APLP2: variants seen among roughly 807,000 people sequenced by gnomAD.
APLP2 encodes the protein amyloid beta precursor like protein 2.
Under a neutral mutation model 89.9 loss-of-function variants are expected in APLP2, and 53 were observed. The ratio of observed to expected loss-of-function variants is 0.59; its 90% CI spans 0.47 to 0.74. The LOEUF (loss-of-function observed/expected upper bound fraction) is 0.74, where lower values mean the gene tolerates loss of function less well. APLP2 is among the 30% of genes least tolerant of loss of function. The pLI is 0.00. For synonymous variants in APLP2, 372 were observed against 348.6 expected (o/e 1.07, Z -0.75); for missense variants, 973 against 975.9 (o/e 1.00, Z 0.04).
chr11:130,127,742 C>T (rs373745554), intron 8 of APLP2, 24 bp from the exon 9 acceptor site: 29 of 1,607,244 alleles, frequency 1.8e-5, no homozygotes, highest in South Asian at 1.4e-4. Flanking sequence ...TCACTGCTGA[C>T]GGCGTTTTTG....
intron 1 of APLP2, among the ~76,000 whole-genome samples, chr11:130,094,058 T>C (rs1945850614): frequency 6.7e-6 from 1 of 148,440 alleles, no homozygotes; most frequent in Admixed American, 6.7e-5. Context: ...TTTTTTTTTT[T>C]TTTTTTTTTT....
intron 6 of APLP2, among the ~76,000 whole-genome samples, chr11:130,122,816 C>A (rs1314966914): frequency 6.6e-6 from 1 of 152,186 alleles, no homozygotes; most frequent in Non-Finnish European, 1.5e-5. Context: ...GTTCCCTCCC[C>A]AAGGGGAGCT....
intron 1 of APLP2, among the ~76,000 whole-genome samples, chr11:130,083,032 T>C (rs1182090427): frequency 4.0e-5 from 5 of 124,084 alleles, no homozygotes; most frequent in African/African-American, 1.1e-4. Flanking sequence ...TTTTCTTTTT[T>C]TTTTTTTTTT....
intron 3 of APLP2, among the ~76,000 whole-genome samples, chr11:130,116,685 T>C (rs1949215716): frequency 6.6e-6 from 1 of 151,942 alleles, no homozygotes; most frequent in South Asian, 2.1e-4. Flanking sequence ...TTGGCCAGGC[T>C]GGTCTTGAAC....
At position 130,076,692 on chromosome 11, in the gene APLP2, A is replaced by G. The variant is rs185128173; in HGVS notation, c.105+6610A>G. Among the ~76,000 whole-genome samples, 296 of 152,056 alleles carry G rather than the reference A, an allele frequency of 1.9e-3. 1 individual carries two copies. The highest frequency in any genetic ancestry group is 4.5e-3 in the African/African-American group (186 of 41,484). On this transcript the variant is annotated intron_variant, in intron 1 of 16. Transcript: ENST00000338167. ...TTCCTACCCTGCCTTCCTTGGGCACACTCCCCAGTGGTTGTGGAATTAACT... is the reference window on the plus strand; with the variant it reads ...TTCCTACCCTGCCTTCCTTGGGCACGCTCCCCAGTGGTTGTGGAATTAACT...
At chr11:130,089,132 C>T (rs145243091) in intron 1 of APLP2, among the ~76,000 whole-genome samples, 3 of 152,324 alleles carry the variant, frequency 2.0e-5, no homozygotes, top group African/African-American at 7.2e-5. Context: ...GAAAGCTGGA[C>T]TCATTCCAAT....
intron 4 of APLP2, among the ~76,000 whole-genome samples, chr11:130,121,059 C>T (rs758049783): frequency 3.3e-5 from 5 of 152,086 alleles, no homozygotes; most frequent in African/African-American, 4.8e-5. Flanking sequence ...GGTGGCTGAG[C>T]GAGAATACTG....
chr11:130,071,108 C>T (rs1940988013), intron 1 of APLP2, among the ~76,000 whole-genome samples: 1 of 152,154 alleles, frequency 6.6e-6, no homozygotes, highest in African/African-American at 2.4e-5. Context: ...TCTTCTCCCT[C>T]TTCGCTCTTT....
chr11:130,074,342 A>T (rs916767951), intron 1 of APLP2, among the ~76,000 whole-genome samples: 1 of 152,148 alleles, frequency 6.6e-6, no homozygotes, highest in South Asian at 2.1e-4. Flanking sequence ...CAGCCTCCAG[A>T]GTAGCTGGGA....
At chr11:130,086,485 A>G (rs530136889) in intron 1 of APLP2, among the ~76,000 whole-genome samples, 2 of 152,330 alleles carry the variant, frequency 1.3e-5, no homozygotes, top group South Asian at 2.1e-4. Flanking sequence ...TTCACTCTCA[A>G]TAGTGTCCTT....
intron 8 of APLP2, among the ~76,000 whole-genome samples, chr11:130,127,559 AG>A (rs1363012107): frequency 6.6e-6 from 1 of 152,216 alleles, no homozygotes; most frequent in East Asian, 1.9e-4. Context: ...TGTAACAAAG[AG>A]GTCATGGAAT....
intron 1 of APLP2, among the ~76,000 whole-genome samples, chr11:130,103,235 T>G (rs1301359969): frequency 6.6e-6 from 1 of 152,164 alleles, no homozygotes; most frequent in Non-Finnish European, 1.5e-5. Flanking sequence ...CTAGGTAGGG[T>G]TGGGGTATGT....
At chr11:130,104,139 C>T (rs1264437427) in intron 1 of APLP2, among the ~76,000 whole-genome samples, 4 of 150,550 alleles carry the variant, frequency 2.7e-5, no homozygotes, top group Non-Finnish European at 5.9e-5. Context: ...CCATTTTTCT[C>T]GACACACAAT....
chr11:130,114,346 A>G (rs1948939323), intron 3 of APLP2: 2 of 152,310 alleles, frequency 1.3e-5, no homozygotes, highest in South Asian at 4.1e-4. Flanking sequence ...CAGTTCCTTT[A>G]TAGAATGCCT....
chr11:130,133,616 ACT>A lies in APLP2; in HGVS notation c.1585-10_1585-9del. ...TCAGTCACAACACCTCTCCACCATA[ACT>A]CTGCTTCCAGGTGATGACACATCTC... On this transcript the variant is annotated splice_polypyrimidine_tract_variant and intron_variant, in intron 11 of 16. Coordinates refer to ENST00000338167, the MANE Select transcript of APLP2 (RefSeq NM_001142276.2). The A allele has an allele frequency of 1.2e-6, 2 of 1,606,506 alleles. No individual in the cohort carries two copies. The highest frequency in any genetic ancestry group is 1.7e-6 in the Non-Finnish European group (2 of 1,173,142).
At chr11:130,127,974 C>T in intron 9 of APLP2, 134 bp downstream of exon 9, 1 of 728,242 alleles carries the variant, frequency 1.4e-6, no homozygotes, top group East Asian at 2.8e-5. Context: ...TTGTAACTGG[C>T]CTGTTTTTCT....
Position 130,070,088 on chromosome 11 carries a change from G to T in APLP2, c.105+6G>T, listed in dbSNP as rs1267731811. 1 of 1,427,934 alleles carries T rather than the reference G, an allele frequency of 7.0e-7. No individual in the cohort carries two copies. The allele number at this position is 1,427,934 out of a possible 1,614,324, so 88.5% of individuals were successfully genotyped here. On this transcript the variant is annotated splice_donor_region_variant and intron_variant, in intron 1 of 16. Coordinates refer to ENST00000338167, the MANE Select transcript of APLP2 (RefSeq NM_001142276.2). ...CGCTGGCCGGCTACATCGAGGTGGGGACCGGGCGAACGCCGGAGAGTCGTC... is the reference window on the plus strand; with the variant it reads ...CGCTGGCCGGCTACATCGAGGTGGGTACCGGGCGAACGCCGGAGAGTCGTC...
chr11:130,124,001 G>A (rs1187031997), intron 7 of APLP2, among the ~76,000 whole-genome samples: 1 of 152,200 alleles, frequency 6.6e-6, no homozygotes, highest in Non-Finnish European at 1.5e-5. Flanking sequence ...TGTGTCTGGT[G>A]GTGCTTGGTG....
At chr11:130,125,407 TCTC>T (rs1308013650) in intron 7 of APLP2, among the ~76,000 whole-genome samples, 2 of 152,160 alleles carry the variant, frequency 1.3e-5, no homozygotes, top group African/African-American at 4.8e-5. Flanking sequence ...TGCTTGAAAT[TCTC>T]CTCCACTGAA....
Sources: gnomAD v4.1 joint callset for allele counts (sites outside exome capture counted in the v4.1 genomes callset) on GRCh38, gnomAD v4.1.1 for gene constraint, MANE v1.5 for transcripts, NCBI Gene and HGNC (gene_info 2026-07-23, HGNC 2026-07-21) for gene names.